The following SGCZ variants were observed in gnomAD, a reference collection of about 807,000 sequenced individuals.
SGCZ encodes the protein zeta-sarcoglycan.
A neutral mutation model predicts 41.3 loss-of-function variants in SGCZ; 40 were observed. The ratio of observed to expected loss-of-function variants is 0.97; its 90% CI spans 0.75 to 1.26. The LOEUF is 1.26. SGCZ is among the 50% of genes most tolerant of loss of function. The probability of loss-of-function intolerance (pLI) is 0.00; values close to 1 mark genes in which losing one functional copy is unlikely to be tolerated. For missense variants in SGCZ, 552 were observed against 369.8 expected, an observed-to-expected ratio of 1.49 and a Z score of -4.04; for synonymous variants, 206 against 137.5, an observed-to-expected ratio of 1.50 and a Z score of -3.49.
intron 1 of SGCZ, among the ~76,000 whole-genome samples, chr8:14,816,813 T>C (rs1402925069): frequency 6.6e-6 from 1 of 152,240 alleles, no homozygotes; most frequent in Non-Finnish European, 1.5e-5. Flanking sequence ...ATTAATTTAA[T>C]TCAATTACCA....
At chr8:14,561,819 A>G (rs1294791102) in intron 1 of SGCZ, among the ~76,000 whole-genome samples, 1 of 152,154 alleles carries the variant, frequency 6.6e-6, no homozygotes, top group Non-Finnish European at 1.5e-5. Context: ...TATTTTATCT[A>G]ATAATGTAAA....
chr8:14,612,699 G>GT (rs889548576), intron 1 of SGCZ, among the ~76,000 whole-genome samples: 17 of 151,694 alleles, frequency 1.1e-4, no homozygotes, highest in South Asian at 2.1e-4. Context: ...GTTTTGTTTT[G>GT]TTTTTTTAAA....
intron 5 of SGCZ, among the ~76,000 whole-genome samples, chr8:14,130,592 A>G (rs1803010378): frequency 1.3e-5 from 2 of 152,232 alleles, no homozygotes; most frequent in Admixed American, 1.3e-4. Flanking sequence ...GGGGCTAAAA[A>G]GAAATTATTT....
chr8:14,665,568 T>A (rs1466320494), intron 1 of SGCZ, among the ~76,000 whole-genome samples: 2 of 152,190 alleles, frequency 1.3e-5, no homozygotes, highest in African/African-American at 2.4e-5. Context: ...TAAACTCTTA[T>A]CACTATATCT....
At chr8:14,151,880 A>T (rs1489169603) in intron 5 of SGCZ, among the ~76,000 whole-genome samples, 4 of 152,146 alleles carry the variant, frequency 2.6e-5, no homozygotes, top group Non-Finnish European at 5.9e-5. Flanking sequence ...AATGGCATAC[A>T]CAACAGAAAA....
intron 1 of SGCZ, among the ~76,000 whole-genome samples, chr8:14,680,871 C>T (rs939208567): frequency 6.9e-6 from 1 of 145,000 alleles, no homozygotes; most frequent in Non-Finnish European, 1.5e-5. Context: ...ACAGGATTAA[C>T]AGCACATTGG....
chr8:14,400,250 T>C (rs546086849), intron 2 of SGCZ, among the ~76,000 whole-genome samples: 47 of 152,274 alleles, frequency 3.1e-4, no homozygotes, highest in African/African-American at 1.1e-3. Context: ...AGATTTTATT[T>C]ATCCATTCAT....
chr8:14,174,082 T>C (rs953345714), intron 4 of SGCZ, among the ~76,000 whole-genome samples: 3 of 151,918 alleles, frequency 2.0e-5, no homozygotes, highest in Non-Finnish European at 2.9e-5. Context: ...TAAAACAAAA[T>C]ATATAGAATA....
chr8:14,380,435 A>C (rs1804316807), intron 2 of SGCZ, among the ~76,000 whole-genome samples: 1 of 152,088 alleles, frequency 6.6e-6, no homozygotes, highest in Non-Finnish European at 1.5e-5. Context: ...ATGAAAGGTT[A>C]TCAAAATATG....
At chr8:14,307,694 CT>C (rs1270744247) in intron 3 of SGCZ, among the ~76,000 whole-genome samples, 1 of 152,038 alleles carries the variant, frequency 6.6e-6, no homozygotes, top group Admixed American at 6.6e-5. Flanking sequence ...ATTTTATTAT[CT>C]GATATAAATT....
At chr8:14,270,487 A>G (rs1045597399) in intron 3 of SGCZ, among the ~76,000 whole-genome samples, 1 of 152,174 alleles carries the variant, frequency 6.6e-6, no homozygotes, top group Non-Finnish European at 1.5e-5. Context: ...TCTAAATCTA[A>G]ATCAACATGG....
At chr8:15,012,091 T>C (rs746774704) in intron 1 of SGCZ, among the ~76,000 whole-genome samples, 4 of 152,192 alleles carry the variant, frequency 2.6e-5, no homozygotes, top group South Asian at 2.1e-4. Flanking sequence ...TTTGTCCTTA[T>C]TAATGAATTG....
intron 3 of SGCZ, among the ~76,000 whole-genome samples, chr8:14,256,609 G>C (rs1392045745): frequency 6.6e-6 from 1 of 152,004 alleles, no homozygotes; most frequent in African/African-American, 2.4e-5. Context: ...AATGCATTTT[G>C]AAGATAAAAA....
At chr8:14,217,357 A>G (rs1408648876) in intron 4 of SGCZ, among the ~76,000 whole-genome samples, 1 of 151,714 alleles carries the variant, frequency 6.6e-6, no homozygotes, top group Non-Finnish European at 1.5e-5. Flanking sequence ...GCACACATAC[A>G]AATGGATACA....
At chr8:14,534,269 A>G (rs912032549) in intron 2 of SGCZ, among the ~76,000 whole-genome samples, 7 of 152,080 alleles carry the variant, frequency 4.6e-5, no homozygotes, top group Admixed American at 2.6e-4. Flanking sequence ...AGGTGCAGAA[A>G]CAGAAGAAGG....
intron 1 of SGCZ, among the ~76,000 whole-genome samples, chr8:15,055,477 T>G (rs560767310): frequency 5.3e-5 from 8 of 152,212 alleles, no homozygotes; most frequent in African/African-American, 1.9e-4. Flanking sequence ...ATGTACGAAT[T>G]TCAGGAAAAA....
rs1472561322 is a variant in SGCZ, at chr8:14,359,634, G to T, written c.235-35430C>A. Among the ~76,000 whole-genome samples, 4 of 151,978 alleles carry T rather than the reference G, an allele frequency of 2.6e-5. No homozygotes were observed. In the East Asian group the frequency reaches 7.7e-4, roughly 29 times the overall value. ...ACAATACACTCCTGAGATTAAGGCT[G>T]TAAGTCTCTCAGCAAAGAAAAGCCC... is the stretch of plus-strand genomic sequence containing the variant. On this transcript the variant is annotated intron_variant, in intron 2 of 7. Coordinates refer to ENST00000382080, the MANE Select transcript of SGCZ (RefSeq NM_139167.4).
chr8:14,514,827 A>ACG (rs1802573385), intron 2 of SGCZ, among the ~76,000 whole-genome samples: 1 of 136,670 alleles, frequency 7.3e-6, no homozygotes, highest in Non-Finnish European at 1.7e-5. Flanking sequence ...ATATACACGC[A>ACG]CACACACACA....
At chr8:14,330,069 T>C (rs1371507436) in intron 2 of SGCZ, among the ~76,000 whole-genome samples, 1 of 152,166 alleles carries the variant, frequency 6.6e-6, no homozygotes, top group African/African-American at 2.4e-5. Flanking sequence ...ATGATTAATA[T>C]CCTAGTCAGA....
Sources: gnomAD v4.1 joint callset for allele counts (sites outside exome capture counted in the v4.1 genomes callset) on GRCh38, gnomAD v4.1.1 for gene constraint, MANE v1.5 for transcripts, NCBI Gene and HGNC (gene_info 2026-07-23, HGNC 2026-07-21) for gene names.